ZNF470: variants seen among roughly 807,000 people sequenced by gnomAD.
The protein encoded by ZNF470 is chondrogenesis zinc finger protein 1.
In ZNF470, 13 loss-of-function variants were observed where a neutral mutation model predicts 13.9. The observed-to-expected ratio is 0.94, with a 90% confidence interval of 0.61 to 1.49. ZNF470 has a LOEUF of 1.49. Ranked by LOEUF, ZNF470 falls within the 40% of genes most tolerant of loss-of-function variation. The pLI, the probability that ZNF470 is intolerant of heterozygous loss-of-function variation, is 0.00. For missense variants in ZNF470, 929 were observed against 857.3 expected (o/e 1.08, Z -1.04); for synonymous variants, 293 against 282.9 (o/e 1.04, Z -0.36).
chr19:56,575,699 T>C (rs530190946), intron 5 of ZNF470, among the ~76,000 whole-genome samples: 5 of 152,176 alleles, frequency 3.3e-5, no homozygotes, highest in Admixed American at 2.6e-4. Flanking sequence ...AGTTGAACTT[T>C]TGGGCTCAAG....
Position 56,579,829 on chromosome 19 carries a change from C to A in ZNF470, c.*1246C>A. On this transcript the variant is annotated 3_prime_UTR_variant, in exon 6 of 6. Coordinates refer to ENST00000330619, the MANE Select transcript of ZNF470 (RefSeq NM_001001668.4). Reference sequence around the variant, plus strand: ...CCTAAATTGTAAATTCATTGATATTCCAGTAAAAATTTCCATATTTTTTTA... The same window carrying A: ...CCTAAATTGTAAATTCATTGATATTACAGTAAAAATTTCCATATTTTTTTA... 2 of 818,706 alleles carry A rather than the reference C, an allele frequency of 2.4e-6. No homozygotes were observed. Among genetic ancestry groups the A allele is most frequent in the Non-Finnish European group, 2.9e-6 (2 of 678,376 alleles). The allele number at this position is 818,706 out of a possible 1,614,324, so 50.7% of individuals were successfully genotyped here.
Position 56,579,415 on chromosome 19 carries a change from C to G in ZNF470, c.*832C>G, listed in dbSNP as rs2044518660. The G allele has an allele frequency of 8.1e-6, 8 of 982,654 alleles. No individual in the cohort carries two copies. Among genetic ancestry groups the G allele is most frequent in the Middle Eastern group, 5.2e-4 (1 of 1,912 alleles). 60.9% of individuals were successfully genotyped at this position (982,654 alleles called of 1,614,324 possible). ...TCCAGCTGGGCAGCAGAGCCAGACA[C>G]TGTCTCAAGGAAAAACAAAGAACAA... On this transcript the variant is annotated 3_prime_UTR_variant, in exon 6 of 6. Transcript: ENST00000330619.
chr19:56,577,879 A>G lies in ZNF470; in HGVS notation c.1450A>G (p.Lys484Glu). ...VHTGEKPYEC[K>E]ECGKAFRQST... Reference sequence around the variant, plus strand: ...TACTGGAGAGAAACCCTATGAATGTAAAGAATGTGGGAAAGCTTTCCGGCA... The same window carrying G: ...TACTGGAGAGAAACCCTATGAATGTGAAGAATGTGGGAAAGCTTTCCGGCA... The change falls in exon 6 of 6, where the codon AAA (lysine) becomes GAA (glutamate). Residue 484 changes from lysine to glutamate, a missense_variant. Physicochemically the swap from Lys to Glu is moderately conservative, Grantham distance 56. Transcript: ENST00000330619. 6.2e-7 allele frequency: 1 copy of G among 1,613,956 alleles called. No individual in the cohort carries two copies. The highest frequency in any genetic ancestry group is 8.5e-7 in the Non-Finnish European group (1 of 1,179,906).
At position 56,574,326 on chromosome 19, in the gene ZNF470, C is replaced by G. The variant is rs116132759; in HGVS notation, c.61-68C>G. 1,970 of 1,609,012 alleles carry G rather than the reference C, an allele frequency of 1.2e-3. 18 individuals are homozygous for G. In the African/African-American group the frequency reaches 0.024, roughly 19 times the overall value. Reference sequence around the variant, plus strand: ...TAATCCCAAAGTGAGAACAGCATAACTCTTTACCCTAGAGCTGCATTGGAA... The same window carrying G: ...TAATCCCAAAGTGAGAACAGCATAAGTCTTTACCCTAGAGCTGCATTGGAA... On this transcript the variant is annotated intron_variant, in intron 3 of 5. Coordinates refer to ENST00000330619, the MANE Select transcript of ZNF470 (RefSeq NM_001001668.4).
At chr19:56,569,929 C>G (rs1036390078) in intron 2 of ZNF470, among the ~76,000 whole-genome samples, 2 of 152,072 alleles carry the variant, frequency 1.3e-5, no homozygotes, top group African/African-American at 4.8e-5. Flanking sequence ...TTTGAAGATA[C>G]AGTGAGCTAT....
intron 1 of ZNF470, 122 bp downstream of exon 1, chr19:56,568,160 G>T: frequency 1.0e-6 from 1 of 972,204 alleles, no homozygotes; most frequent in Non-Finnish European, 1.2e-6. Context: ...GGACCTGGAA[G>T]TCGAAAGATT....
intron 3 of ZNF470, among the ~76,000 whole-genome samples, chr19:56,571,958 G>C (rs1007393497): frequency 6.6e-6 from 1 of 151,726 alleles, no homozygotes; most frequent in Admixed American, 6.6e-5. Context: ...CTTATGGCCA[G>C]AGCATGACAC....
rs1311245936 is a variant in ZNF470, at chr19:56,579,502, C to CA, written c.*926dup. 3 of 985,108 alleles carry CA rather than the reference C, an allele frequency of 3.0e-6. No individual in the cohort carries two copies. The highest frequency in any genetic ancestry group is 2.3e-4 in the East Asian group (2 of 8,798). 61.0% of individuals were successfully genotyped at this position (985,108 alleles called of 1,614,324 possible). A position where few individuals can be genotyped will look rare whatever the true frequency, so the allele number is the denominator to read the frequency against. ...TAGTAGTAAACCAAAAGTAACAAGCCAAAAAAACTTGAATAGATTAATAGC... is the reference window on the plus strand; with the variant it reads ...TAGTAGTAAACCAAAAGTAACAAGCCAAAAAAAACTTGAATAGATTAATAGC... On this transcript the variant is annotated 3_prime_UTR_variant, in exon 6 of 6. Coordinates refer to ENST00000330619, the MANE Select transcript of ZNF470 (RefSeq NM_001001668.4).
Position 56,574,924 on chromosome 19 carries a change from C to G in ZNF470, c.283+191C>G. Among the ~76,000 whole-genome samples the G allele has an allele frequency of 1.3e-5, 2 of 152,114 alleles. 1 individual carries two copies. Among genetic ancestry groups the G allele is most frequent in the Non-Finnish European group, 2.9e-5 (2 of 68,010 alleles). ...TACCTTTATTGATTTCTTATGCATA[C>G]CAGGGTCTATTTCTGAGCTCTTGTT... On this transcript the variant is annotated intron_variant, in intron 5 of 5. Transcript: ENST00000330619.
chr19:56,574,253 A>AC, intron 3 of ZNF470, 141 bp from the exon 4 acceptor site: 1 of 1,329,382 alleles, frequency 7.5e-7, no homozygotes, highest in Non-Finnish European at 1.1e-6. Context: ...AACTTACCTG[A>AC]CCCGGATCAT....
At position 56,577,709 on chromosome 19, in the gene ZNF470, G is replaced by A. The variant is rs763401209; in HGVS notation, c.1280G>A (p.Cys427Tyr). ...RTHTGERPYK[C>Y]NVCGKAFSHG... Reference sequence around the variant, plus strand: ...CATACTGGAGAGAGACCTTACAAATGTAATGTGTGTGGGAAGGCTTTTAGC... The same window carrying A: ...CATACTGGAGAGAGACCTTACAAATATAATGTGTGTGGGAAGGCTTTTAGC... Residue 427 changes from cysteine (C) to tyrosine (Y), a missense_variant, in exon 6 of 6, where the codon TGT becomes TAT. Coordinates refer to ENST00000330619, the MANE Select transcript of ZNF470 (RefSeq NM_001001668.4). 1 of 1,611,058 alleles carries A rather than the reference G, an allele frequency of 6.2e-7. No homozygotes were observed.
intron 4 of ZNF470, 28 bp from the exon 5 acceptor site, chr19:56,574,610 C>T (rs772800118): frequency 3.7e-6 from 6 of 1,611,936 alleles, no homozygotes; most frequent in Non-Finnish European, 5.1e-6. Context: ...ACAGCATAGG[C>T]AATTTTTATA....
rs781023954 is a variant in ZNF470, at chr19:56,577,385, A to AATT, written c.957_958insTTA (p.Lys319_Ala320insLeu). 2 of 1,613,866 alleles carry AATT rather than the reference A, an allele frequency of 1.2e-6. No individual in the cohort carries two copies. The highest frequency in any genetic ancestry group is 2.7e-5 in the African/African-American group (2 of 75,020). ...CCTTATCAGTGTAAGCAGTGTAATA[A>AATT]AGCATTCAGCCAGCTTGCACACCTT... On this transcript the variant is annotated inframe_insertion, in exon 6 of 6. Transcript: ENST00000330619.
Position 56,579,710 on chromosome 19 carries a change from T to A in ZNF470, c.*1127T>A. On this transcript the variant is annotated 3_prime_UTR_variant, in exon 6 of 6. Transcript: ENST00000330619. ...ATGTACACTGCAATTAGTTTCTGAA[T>A]GTAGATGTTACAACTTAAACTTATT... is the stretch of plus-strand genomic sequence containing the variant. 1 of 984,606 alleles carries A rather than the reference T, an allele frequency of 1.0e-6. No individual in the cohort carries two copies. Among genetic ancestry groups the A allele is most frequent in the Non-Finnish European group, 1.2e-6 (1 of 829,188 alleles). 61.0% of individuals were successfully genotyped at this position (984,606 alleles called of 1,614,324 possible). A position where few individuals can be genotyped will look rare whatever the true frequency, so the allele number is the denominator to read the frequency against.
At chr19:56,568,100 T>C in intron 1 of ZNF470, 62 bp downstream of exon 1, 1 of 985,920 alleles carries the variant, frequency 1.0e-6, no homozygotes. Context: ...GGGTGCTGTC[T>C]TTCGGGGTTC....
chr19:56,574,329 T>G, intron 3 of ZNF470, 65 bp from the exon 4 acceptor site: 1 of 1,610,576 alleles, frequency 6.2e-7, no homozygotes, highest in Non-Finnish European at 8.5e-7. Context: ...AGCATAACTC[T>G]TTACCCTAGA....
At chr19:56,568,449 C>T (rs61266943) in intron 1 of ZNF470, among the ~76,000 whole-genome samples, 1 of 152,138 alleles carries the variant, frequency 6.6e-6, no homozygotes, top group Non-Finnish European at 1.5e-5. Context: ...ACAGCTTCAC[C>T]CAGAAATGCC....
Position 56,576,783 on chromosome 19 carries a change from G to A in ZNF470, c.354G>A (p.Pro118=), listed in dbSNP as rs762279576. The change falls in exon 6 of 6, where the codon CCG becomes CCA. Residue 118 remains proline (P), a synonymous_variant. Coordinates refer to ENST00000330619, the MANE Select transcript of ZNF470 (RefSeq NM_001001668.4). Reference sequence around the variant, plus strand: ...ATATTTATGAAGAAAAATTACCCCCGGCAATCATAATGGAAAGACTTAAAA... The same window carrying A: ...ATATTTATGAAGAAAAATTACCCCCAGCAATCATAATGGAAAGACTTAAAA... ...NQDIYEEKLP[P]AIIMERLKSY... is the part of the protein sequence containing the mutation. 1.4e-5 allele frequency: 21 copies of A among 1,541,554 alleles called. No homozygotes were observed. Among genetic ancestry groups the A allele is most frequent in the African/African-American group, 2.8e-5 (2 of 71,806 alleles).
At chr19:56,573,899 T>A (rs754090094) in intron 3 of ZNF470, 6 of 950,694 alleles carry the variant, frequency 6.3e-6, no homozygotes, top group Non-Finnish European at 7.5e-6. Flanking sequence ...TTTTTTTCCT[T>A]TCATTTTTTA....
Sources: gnomAD v4.1 joint callset for allele counts (sites outside exome capture counted in the v4.1 genomes callset) on GRCh38, gnomAD v4.1.1 for gene constraint, MANE v1.5 for transcripts, NCBI Gene and HGNC (gene_info 2026-07-23, HGNC 2026-07-21) for gene names.